Variants in ATR observed in about 807,000 individuals in gnomAD.
The protein encoded by ATR is serine/threonine-protein kinase ATR.
In ATR, 142 loss-of-function variants were observed where a neutral mutation model predicts 305.3. The observed-to-expected ratio is 0.47, with a 90% CI of 0.41 to 0.53. The LOEUF is 0.53. Among genes scored for constraint, ATR ranks in the 20% least tolerant of loss-of-function variants. The pLI is 0.00. For synonymous variants in ATR, 1,050 were observed against 1,068.1 expected (o/e 0.98, Z 0.33); for missense variants, 2,135 against 3,133.1 (o/e 0.68, Z 7.60).
intron 30 of ATR, among the ~76,000 whole-genome samples, chr3:142,501,898 T>C (rs2031985739): frequency 6.6e-6 from 1 of 152,012 alleles, no homozygotes; most frequent in Non-Finnish European, 1.5e-5. Flanking sequence ...ATGTGCACCA[T>C]CACGCCCAGC....
chr3:142,478,661 CGTT>C (rs1247137211), intron 36 of ATR, among the ~76,000 whole-genome samples: 1 of 152,088 alleles, frequency 6.6e-6, no homozygotes, highest in Non-Finnish European at 1.5e-5. Flanking sequence ...CCTTCTGTCT[CGTT>C]GATCTGTCTA....
At chr3:142,548,954 A>T (rs2034374921) in intron 15 of ATR, among the ~76,000 whole-genome samples, 1 of 152,200 alleles carries the variant, frequency 6.6e-6, no homozygotes, top group African/African-American at 2.4e-5. Flanking sequence ...CAGTAAAGTT[A>T]TATGCATATT....
intron 12 of ATR, 60 bp from the exon 13 acceptor site, chr3:142,553,458 A>C: frequency 6.6e-7 from 1 of 1,504,370 alleles, no homozygotes; most frequent in Non-Finnish European, 9.1e-7. Flanking sequence ...ACACACACAC[A>C]TACACACACA....
At position 142,542,657 on chromosome 3, in the gene ATR, C is replaced by T. The variant is rs1251769708; in HGVS notation, c.3450+8G>A. The T allele has an allele frequency of 1.2e-6, 2 of 1,607,330 alleles. No homozygotes were observed. The highest frequency in any genetic ancestry group is 1.7e-5 in the Admixed American group (1 of 59,940). The stretch of plus-strand genomic sequence containing the variant: ...CTATCTTAGCACTCTGGAACTATCA[C>T]CACTTACCATTTTCTTATCTTCAAT... On this transcript the variant is annotated splice_region_variant and intron_variant, in intron 17 of 46. Coordinates refer to ENST00000350721, the MANE Select transcript of ATR (RefSeq NM_001184.4).
At chr3:142,452,550 T>C (rs2070814612) in intron 46 of ATR, 2 of 605,862 alleles carry the variant, frequency 3.3e-6, no homozygotes, top group South Asian at 1.4e-4. Flanking sequence ...GGTGCACGCT[T>C]ATAATCCCAG....
In ATR at chr3:142,553,237, G is replaced by T; in HGVS notation, c.2795C>A (p.Pro932His). 6.2e-7 allele frequency: 1 copy of T among 1,613,992 alleles called. No homozygotes were observed. The highest frequency in any genetic ancestry group is 2.2e-5 in the East Asian group (1 of 44,864). The change falls in exon 13 of 47, where the codon CCC becomes CAC. Residue 932 changes from proline (P) to histidine (H), a missense_variant. Around this residue, in one of 9 missense-constraint regions of ATR, gnomAD observed 530 missense variants for 766.8 expected, o/e 0.69. Coordinates refer to ENST00000350721, the MANE Select transcript of ATR (RefSeq NM_001184.4). ...AACGCTGACTCTTACCTGACAGATG[G>T]GTTTCTTATACTGGCTGAAAAAACT... The part of the protein sequence containing the change: ...LQSFFSQYKK[P>H]ICQFLVESLH...
intron 23 of ATR, among the ~76,000 whole-genome samples, chr3:142,522,327 T>TAG (rs1341360425): frequency 6.6e-6 from 1 of 152,232 alleles, no homozygotes; most frequent in Non-Finnish European, 1.5e-5. Flanking sequence ...ACTTGCTTTA[T>TAG]AGAGATACTT....
chr3:142,505,068 A>C (rs2032168585), intron 29 of ATR, 71 bp downstream of exon 29: 1 of 1,583,554 alleles, frequency 6.3e-7, no homozygotes, highest in African/African-American at 1.3e-5. Context: ...ACAAAACAAA[A>C]AAAACTAAGG....
At chr3:142,483,485 T>C (rs2030681809) in intron 36 of ATR, among the ~76,000 whole-genome samples, 1 of 152,180 alleles carries the variant, frequency 6.6e-6, no homozygotes, top group African/African-American at 2.4e-5. Flanking sequence ...TTTTCATGTA[T>C]ATATATTATA....
intron 38 of ATR, among the ~76,000 whole-genome samples, chr3:142,468,347 A>G (rs1348945617): frequency 1.3e-5 from 2 of 152,150 alleles, no homozygotes; most frequent in Non-Finnish European, 2.9e-5. Flanking sequence ...TGCAAGAAAA[A>G]TAGAAATAAC....
At chr3:142,557,314 T>C (rs1174789186) in intron 8 of ATR, among the ~76,000 whole-genome samples, 2 of 152,162 alleles carry the variant, frequency 1.3e-5, no homozygotes, top group Non-Finnish European at 2.9e-5. Flanking sequence ...TTTATAAAAA[T>C]ATTCATTTAA....
At chr3:142,569,656 G>T (rs147195045) in intron 1 of ATR, among the ~76,000 whole-genome samples, 6,008 of 150,186 alleles carry the variant, frequency 0.04, 392 homozygotes, top group African/African-American at 0.14. Flanking sequence ...TTTGTTTTTT[G>T]GTTTTTTTTG....
At chr3:142,496,600 T>C in intron 33 of ATR, 80 bp from the exon 34 acceptor site, 1 of 1,479,438 alleles carries the variant, frequency 6.8e-7, no homozygotes, top group Non-Finnish European at 9.3e-7. Flanking sequence ...AATTTAAATC[T>C]AGGTCATAAA....
intron 27 of ATR, among the ~76,000 whole-genome samples, chr3:142,511,411 T>C (rs1195301443): frequency 1.3e-5 from 2 of 152,072 alleles, no homozygotes; most frequent in Non-Finnish European, 2.9e-5. Context: ...ATCCCAGCAC[T>C]TTGGGAGGCT....
rs755831990 is a variant in ATR, at chr3:142,536,190, T to C, written c.3737A>G (p.Gln1246Arg). The change falls in exon 20 of 47, where the codon CAA becomes CGA. Residue 1246 changes from glutamine (Q) to arginine (R), a missense_variant. Physicochemically the swap from Gln to Arg is conservative, Grantham distance 43. Around this residue, in one of 9 missense-constraint regions of ATR, gnomAD observed 530 missense variants for 766.8 expected, o/e 0.69. Transcript: ENST00000350721. ...YLIIENRDAVQDFLHEIYFLP... is the reference protein window; with the variant it reads ...YLIIENRDAVRDFLHEIYFLP... ...AAAATATATTTCATGAAGAAAATCT[T>C]GCACAGCATCCCTAATAGTTAGTTG... 2.5e-6 allele frequency: 4 copies of C among 1,579,784 alleles called. No individual in the cohort carries two copies. The Admixed American group carries it at 6.7e-5, about 26-fold the overall frequency.
At chr3:142,563,215 A>G (rs2108489130) in intron 3 of ATR, 106 bp from the exon 4 acceptor site, 1 of 1,145,088 alleles carries the variant, frequency 8.7e-7, no homozygotes, top group Admixed American at 2.5e-5. Flanking sequence ...CTTCACTAAC[A>G]AGAGTGTAAA....
At chr3:142,454,894 C>T (rs1295913954) in intron 45 of ATR, among the ~76,000 whole-genome samples, 2 of 152,108 alleles carry the variant, frequency 1.3e-5, no homozygotes, top group African/African-American at 2.4e-5. Flanking sequence ...CCACTTTTAG[C>T]ATGTCTATTC....
At chr3:142,480,290 A>G (rs1021258716) in intron 36 of ATR, among the ~76,000 whole-genome samples, 2 of 152,064 alleles carry the variant, frequency 1.3e-5, no homozygotes, top group African/African-American at 2.4e-5. Flanking sequence ...TCTGTTTGTT[A>G]GTTTTCCTTT....
At chr3:142,537,850 T>C (rs1231287827) in intron 19 of ATR, among the ~76,000 whole-genome samples, 1 of 152,200 alleles carries the variant, frequency 6.6e-6, no homozygotes, top group Non-Finnish European at 1.5e-5. Context: ...TAATCCACAC[T>C]GGCTATAGCC....
Sources: gnomAD v4.1 joint callset for allele counts (sites outside exome capture counted in the v4.1 genomes callset) on GRCh38, gnomAD v4.1.1 for gene constraint, gnomAD v4.1.1 regional missense constraint, MANE v1.5 for transcripts, NCBI Gene and HGNC (gene_info 2026-07-23, HGNC 2026-07-21) for gene names.